The following ULK4 variants were observed in gnomAD, a reference collection of about 807,000 sequenced individuals.
ULK4 encodes inactive serine/threonine-protein kinase ULK4.
ULK4 carries 133 observed loss-of-function variants against 160.6 expected under a neutral mutation model. The observed-to-expected ratio is 0.83, with a 90% CI of 0.72 to 0.96. The LOEUF is 0.96. Ranked by LOEUF, ULK4 falls within the 40% of genes least tolerant of loss-of-function variation. ULK4 has a pLI of 0.00. For missense variants in ULK4, 1,580 were observed against 1,499.5 expected, an observed-to-expected ratio of 1.05 and a Z score of -0.89; for synonymous variants, 534 against 539.8, an observed-to-expected ratio of 0.99 and a Z score of 0.15.
At chr3:41,709,513 A>C (rs6809328) in intron 25 of ULK4, among the ~76,000 whole-genome samples, 32,008 of 151,836 alleles carry the variant, frequency 0.21, 3,631 homozygotes, top group Middle Eastern at 0.33. Flanking sequence ...CAGCCTTCCA[A>C]GTAGCTGGGA....
rs537819580 is a variant in ULK4 at position 41,575,841 on chromosome 3, G to T, written c.3121-9711C>A. Among the ~76,000 whole-genome samples, 5 of 136,072 alleles carry T rather than the reference G, an allele frequency of 3.7e-5. No homozygotes were observed. In the South Asian group the frequency reaches 1.2e-3, roughly 34 times the overall value. 89.3% of individuals were successfully genotyped at this position (136,072 alleles called of 152,430 possible). Reference sequence around the variant, plus strand: ...GGCTTTCCTAGCCCTGCCCTTTCATGTTATTTAGGCTTTAGCAGGAAGCTT... The same window carrying T: ...GGCTTTCCTAGCCCTGCCCTTTCATTTTATTTAGGCTTTAGCAGGAAGCTT... On this transcript the variant is annotated intron_variant, in intron 31 of 36. Transcript: ENST00000301831.
intron 17 of ULK4, among the ~76,000 whole-genome samples, chr3:41,874,744 T>A (rs1358083795): frequency 5.3e-5 from 8 of 152,176 alleles, no homozygotes; most frequent in Non-Finnish European, 1.2e-4. Context: ...GACTACATAT[T>A]GAGTACAGTG....
At chr3:41,527,052 T>G (rs994572694) in intron 32 of ULK4, among the ~76,000 whole-genome samples, 1 of 152,210 alleles carries the variant, frequency 6.6e-6, no homozygotes, top group African/African-American at 2.4e-5. Flanking sequence ...GTGCTTTACA[T>G]ACATTATCTC....
chr3:41,554,449 G>A (rs1159845799), intron 32 of ULK4, among the ~76,000 whole-genome samples: 1 of 152,130 alleles, frequency 6.6e-6, no homozygotes, highest in Non-Finnish European at 1.5e-5. Flanking sequence ...AAATCAGCCA[G>A]GCACAGAAAG....
chr3:41,620,491 T>C (rs2033191443), intron 30 of ULK4, among the ~76,000 whole-genome samples: 1 of 152,134 alleles, frequency 6.6e-6, no homozygotes, highest in Admixed American at 6.6e-5. Context: ...TAATCCATCA[T>C]ATAAAAATAA....
intron 27 of ULK4, among the ~76,000 whole-genome samples, chr3:41,695,917 A>G (rs1010685150): frequency 7.2e-5 from 11 of 152,216 alleles, no homozygotes; most frequent in African/African-American, 2.7e-4. Context: ...CTGAGGGGAC[A>G]TAGTGAGAAG....
chr3:41,600,097 T>C (rs1186454183), intron 31 of ULK4, among the ~76,000 whole-genome samples: 2 of 152,160 alleles, frequency 1.3e-5, no homozygotes, highest in East Asian at 1.9e-4. Flanking sequence ...CCAAGGCTCA[T>C]CAGAGGACAT....
At chr3:41,560,755 G>T (rs1288169139) in intron 32 of ULK4, among the ~76,000 whole-genome samples, 3 of 152,212 alleles carry the variant, frequency 2.0e-5, no homozygotes, top group African/African-American at 7.2e-5. Context: ...AGCTTAAGGA[G>T]ATTTTGGGCT....
intron 30 of ULK4, among the ~76,000 whole-genome samples, chr3:41,648,126 A>G (rs1002490894): frequency 7.2e-5 from 11 of 151,924 alleles, no homozygotes; most frequent in Non-Finnish European, 5.9e-5. Context: ...AGGAGAGGGA[A>G]CTCCCTGACC....
chr3:41,506,661 T>C (rs1360761557), intron 32 of ULK4, among the ~76,000 whole-genome samples: 1 of 150,706 alleles, frequency 6.6e-6, no homozygotes, highest in Non-Finnish European at 1.5e-5. Context: ...CTTTCGACCA[T>C]CAGTCCTTCA....
rs765400061 is a variant in ULK4 at position 41,455,530 on chromosome 3, A to G, written c.3459T>C (p.Pro1153=). Residue 1153 remains proline (P), a synonymous_variant, in exon 34 of 37, where the codon CCT becomes CCC. Transcript: ENST00000301831. ...TGAGCAGGCTAATCAGGTCTGTCAGAGGTCTGTTGAGCAGCAGCAGGTCTT... is the reference window on the plus strand; with the variant it reads ...TGAGCAGGCTAATCAGGTCTGTCAGGGGTCTGTTGAGCAGCAGCAGGTCTT... ...AAEDLLLLNR[P]LTDLISLLIP... 1.2e-6 allele frequency: 2 copies of G among 1,614,054 alleles called. No homozygotes were observed. Among genetic ancestry groups the G allele is most frequent in the Non-Finnish European group, 1.7e-6 (2 of 1,179,928 alleles).
intron 35 of ULK4, among the ~76,000 whole-genome samples, chr3:41,324,889 T>G (rs568613912): frequency 6.6e-6 from 1 of 152,292 alleles, no homozygotes; most frequent in Non-Finnish European, 1.5e-5. Context: ...ACTATGCACA[T>G]TTCACTCTTG....
intron 35 of ULK4, among the ~76,000 whole-genome samples, chr3:41,308,296 C>T (rs191005027): frequency 3.4e-4 from 52 of 152,126 alleles, no homozygotes; most frequent in Admixed American, 1.2e-3. Context: ...AATAAAACAG[C>T]GCACGAGGGA....
At chr3:41,418,845 C>G (rs1428310430) in intron 34 of ULK4, among the ~76,000 whole-genome samples, 1 of 152,182 alleles carries the variant, frequency 6.6e-6, no homozygotes, top group Admixed American at 6.5e-5. Flanking sequence ...TCCTGGAGCT[C>G]TCACTCTAGA....
intron 32 of ULK4, among the ~76,000 whole-genome samples, chr3:41,531,410 C>T (rs943976044): frequency 7.7e-6 from 1 of 130,016 alleles, no homozygotes; most frequent in Non-Finnish European, 1.6e-5. Context: ...CACTGTACTC[C>T]AGCCTAGGTG....
intron 31 of ULK4, among the ~76,000 whole-genome samples, chr3:41,587,068 A>T (rs899054715): frequency 6.6e-5 from 10 of 152,162 alleles, no homozygotes; most frequent in Non-Finnish European, 1.0e-4. Context: ...TCTTATTTAG[A>T]GGCTCCATGG....
rs1491135487 is a variant in ULK4, at chr3:41,506,765, A to AAAAAAAAAAAAAAATATATATATAAAT, written c.3227-43513_3227-43512insATTTATATATATATTTTTTTTTTTTTT. On this transcript the variant is annotated intron_variant, in intron 32 of 36. Coordinates refer to ENST00000301831, the MANE Select transcript of ULK4 (RefSeq NM_017886.4). ...AAAGCAATACACTGGAGTGTGATTT[A>AAAAAAAAAAAAAAATATATATATAAAT]AAATATATATATATATATATATATA... Among the ~76,000 whole-genome samples the AAAAAAAAAAAAAAATATATATATAAAT allele has an allele frequency of 3.8e-4, 4 of 10,446 alleles. 1 individual carries two copies. Among genetic ancestry groups the AAAAAAAAAAAAAAATATATATATAAAT allele is most frequent in the African/African-American group, 8.4e-4 (3 of 3,560 alleles). The allele number at this position is 10,446 out of a possible 152,430, so 6.9% of individuals were successfully genotyped here.
chr3:41,423,518 G>A (rs749586557), intron 34 of ULK4, among the ~76,000 whole-genome samples: 9 of 152,062 alleles, frequency 5.9e-5, no homozygotes, highest in Non-Finnish European at 1.3e-4. Flanking sequence ...ACCATCAAAT[G>A]AGGAATAAAG....
rs1169782394 is a variant in ULK4, at chr3:41,754,473, T to C, written c.2209A>G (p.Ile737Val). The C allele has an allele frequency of 7.4e-6, 12 of 1,612,798 alleles. No individual in the cohort carries two copies. Among genetic ancestry groups the C allele is most frequent in the African/African-American group, 5.3e-5 (4 of 74,862 alleles). Residue 737 changes from isoleucine to valine, a missense_variant, in exon 22 of 37, where the codon ATT (isoleucine) becomes GTT (valine). Ile to Val is a conservative substitution (Grantham distance 29). Coordinates refer to ENST00000301831, the MANE Select transcript of ULK4 (RefSeq NM_017886.4). ...LIQEKGFVST[I>V]IRLLDSPSTC... ...GAGGGGCTGTCAAGTAAACGGATAA[T>C]TGTGGAGACAAAACCCTGTAGAAGA...
Sources: allele counts gnomAD v4.1 joint callset (sites outside exome capture counted in the v4.1 genomes callset), GRCh38; gene constraint gnomAD v4.1.1; transcripts MANE v1.5; gene names NCBI Gene and HGNC (gene_info 2026-07-23, HGNC 2026-07-21).